Variants in SULT2B1 observed in about 807,000 individuals in gnomAD.
The protein encoded by SULT2B1 is sulfotransferase 2B1.
In SULT2B1, 16 loss-of-function variants were observed where a neutral mutation model predicts 33.2. The ratio of observed to expected loss-of-function variants is 0.48; its 90% CI spans 0.33 to 0.73. SULT2B1 has a LOEUF of 0.73. Among genes scored for constraint, SULT2B1 ranks in the 30% least tolerant of loss-of-function variants. The pLI, the probability that SULT2B1 is intolerant of heterozygous loss-of-function variation, is 0.02. For synonymous variants in SULT2B1, 186 were observed against 200.5 expected (o/e 0.93, Z 0.61); for missense variants, 500 against 506.0 (o/e 0.99, Z 0.11).
chr19:48,599,150 G>A lies in SULT2B1; in HGVS notation c.842G>A (p.Trp281Ter). 1.3e-6 allele frequency: 2 copies of A among 1,588,226 alleles called. No homozygotes were observed. The highest frequency in any genetic ancestry group is 1.7e-6 in the Non-Finnish European group (2 of 1,170,968). ...AFLRKGVCGDWKNHFTVAQSE... is the reference protein window; with the variant it reads ...AFLRKGVCGD ...TCTTCTCCAGGGGTCTGCGGCGACTGGAAGAACCACTTCACGGTGGCCCAG... is the reference window on the plus strand; with the variant it reads ...TCTTCTCCAGGGGTCTGCGGCGACTAGAAGAACCACTTCACGGTGGCCCAG... Residue 281 changes from tryptophan to a stop codon, truncating the protein, a stop_gained, in exon 7 of 7, where the codon TGG becomes TAG. Transcript: ENST00000201586. LOFTEE classifies it low-confidence loss of function (END_TRUNC). This position sits in a 1 kb window ranked among gnomAD's most constrained non-coding sequence, Gnocchi z 4.1.
At position 48,552,655 on chromosome 19, in the gene SULT2B1, T is replaced by G. The variant is rs1973045099; in HGVS notation, c.71+332T>G. ...CAGTGGAAGAGAGCAGGCAGCTTGG[T>G]GCATAGTAGTTGCTCAGGAAACACA... is the stretch of plus-strand genomic sequence containing the variant. On this transcript the variant is annotated intron_variant, in intron 1 of 6. Transcript: ENST00000201586. The surrounding 1 kb of genome is among the most constrained non-coding windows in gnomAD (Gnocchi z 4.8). 6.6e-6 allele frequency among the ~76,000 whole-genome samples: 1 copy of G among 152,134 alleles called. No homozygotes were observed. The highest frequency in any genetic ancestry group is 1.5e-5 in the Non-Finnish European group (1 of 68,022).
chr19:48,598,915 G>A (rs1973759485), intron 6 of SULT2B1, among the ~76,000 whole-genome samples: 1 of 152,120 alleles, frequency 6.6e-6, no homozygotes, highest in Admixed American at 6.6e-5. Flanking sequence ...AGTAGCAGAG[G>A]CAGTGAGGGC....
intron 2 of SULT2B1, among the ~76,000 whole-genome samples, chr19:48,583,396 C>G (rs914754320): frequency 1.3e-5 from 2 of 152,150 alleles, no homozygotes; most frequent in African/African-American, 4.8e-5. Context: ...ATTTGTACAC[C>G]AATGTTCATA....
intron 2 of SULT2B1, among the ~76,000 whole-genome samples, chr19:48,587,014 A>AGGCAGG: frequency 1.3e-5 from 2 of 152,192 alleles, no homozygotes; most frequent in Middle Eastern, 6.8e-3. Context: ...GCTGAGGCTG[A>AGGCAGG]GGCAGGAGAA....
chr19:48,591,341 C>T (rs1235988858), intron 3 of SULT2B1: 3 of 288,338 alleles, frequency 1.0e-5, no homozygotes, highest in Non-Finnish European at 2.0e-5. Context: ...TGTGGTGGCA[C>T]GCTCCTGTAG....
Position 48,591,752 on chromosome 19 carries a change from G to A in SULT2B1, c.550+17G>A, listed in dbSNP as rs772601722. On this transcript the variant is annotated intron_variant, in intron 4 of 6. Coordinates refer to ENST00000201586, the MANE Select transcript of SULT2B1 (RefSeq NM_177973.2). ...AAGGCGAAGGTGGGGACAGGGTAAA[G>A]CGGGGCAGGAGGGGTGGGGAGGAGC... The A allele has an allele frequency of 6.4e-6, 10 of 1,563,242 alleles. No homozygotes were observed. Among genetic ancestry groups the A allele is most frequent in the Middle Eastern group, 1.7e-4 (1 of 6,002 alleles).
intron 1 of SULT2B1, among the ~76,000 whole-genome samples, chr19:48,574,182 T>A (rs1466659003): frequency 2.6e-5 from 4 of 152,112 alleles, no homozygotes; most frequent in African/African-American, 9.7e-5. Flanking sequence ...TTTCAAAGTA[T>A]CCACAGCACC....
chr19:48,565,624 C>A (rs1251072595), intron 1 of SULT2B1, among the ~76,000 whole-genome samples: 2 of 152,100 alleles, frequency 1.3e-5, no homozygotes, highest in Non-Finnish European at 2.9e-5. Context: ...TGGTGATCTG[C>A]CTGCCTCGGC....
At chr19:48,561,383 C>T (rs1973175789) in intron 1 of SULT2B1, among the ~76,000 whole-genome samples, 1 of 151,918 alleles carries the variant, frequency 6.6e-6, no homozygotes, top group South Asian at 2.1e-4. Flanking sequence ...GAGCCGAGAT[C>T]GTGCCATTGC....
intron 3 of SULT2B1, among the ~76,000 whole-genome samples, chr19:48,588,816 G>A (rs2147623576): frequency 6.6e-6 from 1 of 152,128 alleles, no homozygotes; most frequent in East Asian, 1.9e-4. Flanking sequence ...TCAGGCAAGA[G>A]GGAAAAGCAG....
chr19:48,555,372 G>A (rs1369011994), intron 1 of SULT2B1, among the ~76,000 whole-genome samples: 3 of 152,160 alleles, frequency 2.0e-5, no homozygotes, highest in Admixed American at 6.5e-5. Context: ...GCTTACAGGC[G>A]TGAGCCACCG....
chr19:48,564,336 G>A (rs1446527732), intron 1 of SULT2B1, among the ~76,000 whole-genome samples: 1 of 151,500 alleles, frequency 6.6e-6, no homozygotes, highest in South Asian at 2.1e-4. Context: ...GGCGGATCAC[G>A]AGGTCCAAAG....
chr19:48,569,987 C>G (rs1230378854), intron 1 of SULT2B1, among the ~76,000 whole-genome samples: 1 of 152,032 alleles, frequency 6.6e-6, no homozygotes, highest in African/African-American at 2.4e-5. Context: ...TCTGCAAAGT[C>G]CGTTTGGCCA....
intron 5 of SULT2B1, among the ~76,000 whole-genome samples, chr19:48,593,290 A>T (rs1450926561): frequency 1.3e-5 from 2 of 152,122 alleles, no homozygotes; most frequent in African/African-American, 4.8e-5. Context: ...GGTGGTTCAC[A>T]CCTGTAATCC....
At chr19:48,570,262 C>A (rs1973302843) in intron 1 of SULT2B1, among the ~76,000 whole-genome samples, 1 of 151,896 alleles carries the variant, frequency 6.6e-6, no homozygotes, top group Non-Finnish European at 1.5e-5. Flanking sequence ...TCACTGCAAC[C>A]TCCACCTCCC....
chr19:48,568,012 C>A (rs1331001077), intron 1 of SULT2B1, among the ~76,000 whole-genome samples: 1 of 151,766 alleles, frequency 6.6e-6, no homozygotes, highest in Non-Finnish European at 1.5e-5. Context: ...TGGCTTATGC[C>A]TGTAATCCCA....
intron 3 of SULT2B1, 122 bp from the exon 4 acceptor site, chr19:48,591,487 C>A: frequency 1.7e-6 from 2 of 1,158,004 alleles, no homozygotes; most frequent in Non-Finnish European, 2.3e-6. Flanking sequence ...AAAAAAGAGT[C>A]TGCCCTGAGT....
In SULT2B1 at chr19:48,576,686, C is replaced by T. The variant is rs553601570; in HGVS notation, c.214+603C>T. ...TGGAGGTCTTGCTCTGCTGCCCAGG[C>T]TTCAGTGTGATGGTACAATCTCGGC... On this transcript the variant is annotated intron_variant, in intron 2 of 6. Coordinates refer to ENST00000201586, the MANE Select transcript of SULT2B1 (RefSeq NM_177973.2). Among the ~76,000 whole-genome samples the T allele has an allele frequency of 4.0e-4, 56 of 140,948 alleles. 2 individuals are homozygous for T. Among genetic ancestry groups the T allele is most frequent in the Admixed American group, 3.6e-3 (48 of 13,298 alleles). The allele number at this position is 140,948 out of a possible 152,430, so 92.5% of individuals were successfully genotyped here.
At chr19:48,588,238 C>A (rs116164952) in intron 3 of SULT2B1, among the ~76,000 whole-genome samples, 3 of 149,660 alleles carry the variant, frequency 2.0e-5, no homozygotes, top group Admixed American at 6.7e-5. Flanking sequence ...TACAGCCAGG[C>A]GCAGTGGCTC....
Sources: gnomAD v4.1 joint callset for allele counts (sites outside exome capture counted in the v4.1 genomes callset) on GRCh38, gnomAD v4.1.1 for gene constraint, Gnocchi (gnomAD v3.1) non-coding constraint, MANE v1.5 for transcripts, NCBI Gene and HGNC (gene_info 2026-07-23, HGNC 2026-07-21) for gene names.